THRB: variants seen among roughly 807,000 people sequenced by gnomAD.
THRB encodes the protein nuclear receptor subfamily 1 group A member 2.
In THRB, 12 loss-of-function variants were observed where a neutral mutation model predicts 47.8. The observed-to-expected ratio is 0.25, with a 90% CI of 0.16 to 0.41. The LOEUF (loss-of-function observed/expected upper bound fraction) is 0.41. Ranked by LOEUF, THRB falls within the 10% of genes least tolerant of loss-of-function variation. The pLI, the probability that THRB is intolerant of heterozygous loss-of-function variation, is 1.00. For synonymous variants in THRB, 218 were observed against 212.2 expected, an observed-to-expected ratio of 1.03 and a Z score of -0.24; for missense variants, 348 against 589.2, an observed-to-expected ratio of 0.59 and a Z score of 4.24.
Position 24,146,656 on chromosome 3 carries a change from CA to C in THRB, c.532+18del. The C allele has an allele frequency of 6.2e-7, 1 of 1,613,462 alleles. No homozygotes were observed. Among genetic ancestry groups the C allele is most frequent in the Non-Finnish European group, 8.5e-7 (1 of 1,179,410 alleles). On this transcript the variant is annotated intron_variant, in intron 7 of 10. Transcript: ENST00000646209. Reference sequence around the variant, plus strand: ...TAATCAACATTCCTTGAATATGAAGCAAGTGAAGATCTACTTACAATCTGTT... The same window carrying C: ...TAATCAACATTCCTTGAATATGAAGCAGTGAAGATCTACTTACAATCTGTT...
At chr3:24,151,413 A>G (rs1437905583) in intron 6 of THRB, among the ~76,000 whole-genome samples, 1 of 152,188 alleles carries the variant, frequency 6.6e-6, no homozygotes, top group Non-Finnish European at 1.5e-5. Flanking sequence ...AAGGTGGATG[A>G]GAGAGGAGGG....
intron 9 of THRB, among the ~76,000 whole-genome samples, chr3:24,130,353 T>C (rs1443682865): frequency 6.6e-6 from 1 of 152,222 alleles, no homozygotes; most frequent in Admixed American, 6.5e-5. Context: ...TGTTTGCTCC[T>C]GGTGGCGGAG....
intron 5 of THRB, among the ~76,000 whole-genome samples, chr3:24,153,265 A>G (rs796729386): frequency 6.6e-6 from 1 of 152,330 alleles, no homozygotes; most frequent in African/African-American, 2.4e-5. Context: ...ACAGGCCTGC[A>G]GAGGTTTGGC....
At chr3:24,413,990 G>T (rs2068541655) in intron 1 of THRB, among the ~76,000 whole-genome samples, 1 of 151,860 alleles carries the variant, frequency 6.6e-6, no homozygotes, top group Non-Finnish European at 1.5e-5. Flanking sequence ...TGTTAATTGA[G>T]CGTGACTCCA....
rs1005943032 is a variant in THRB at position 24,391,728 on chromosome 3, G to A, written c.-260-54357C>T. ...TGGTCCGTCCTCCATTTTCAAAATC[G>A]AATACTTCCTCTGTCCTCTCCTTTT... On this transcript the variant is annotated intron_variant, in intron 1 of 10. Transcript: ENST00000646209. Among the ~76,000 whole-genome samples, 32 of 151,836 alleles carry A rather than the reference G, an allele frequency of 2.1e-4. 1 individual carries two copies. The highest frequency in any genetic ancestry group is 1.5e-4 in the Non-Finnish European group (10 of 67,958).
chr3:24,269,434 C>T (rs1166083308), intron 3 of THRB, among the ~76,000 whole-genome samples: 6 of 127,224 alleles, frequency 4.7e-5, no homozygotes, highest in South Asian at 2.7e-4. Context: ...CACACACACA[C>T]ACACACACTT....
At chr3:24,487,319 G>A (rs1041028758) in intron 1 of THRB, among the ~76,000 whole-genome samples, 3 of 151,382 alleles carry the variant, frequency 2.0e-5, no homozygotes, top group Non-Finnish European at 2.9e-5. Context: ...CTGAACTTTT[G>A]CCACTTAAGG....
In THRB at chr3:24,143,648, C is replaced by T. The variant is rs779765087; in HGVS notation, c.591G>A (p.Glu197=). The change falls in exon 8 of 11, where the codon GAG becomes GAA. Residue 197 remains glutamate, a synonymous_variant. Coordinates refer to ENST00000646209, the MANE Select transcript of THRB (RefSeq NM_001354712.2). The part of the protein sequence containing the change: ...AKRKLIEENR[E]KRRREELQKS... ...TCTGCAGCTCTTCCCGCCGTCTTTT[C>T]TCCCGGTTCTCCTCTATCAGCTTCC... is the stretch of plus-strand genomic sequence containing the variant. The T allele has an allele frequency of 1.4e-5, 23 of 1,614,194 alleles. No homozygotes were observed. The South Asian group carries it at 2.3e-4, about 16-fold the overall frequency.
At chr3:24,181,735 C>T (rs776659017) in intron 5 of THRB, among the ~76,000 whole-genome samples, 1 of 152,310 alleles carries the variant, frequency 6.6e-6, no homozygotes, top group South Asian at 2.1e-4. Flanking sequence ...TTATTCTTTT[C>T]CTTCTCTCTT....
intron 4 of THRB, among the ~76,000 whole-genome samples, chr3:24,215,403 C>T (rs1457211885): frequency 1.3e-5 from 2 of 152,218 alleles, no homozygotes; most frequent in Non-Finnish European, 2.9e-5. Flanking sequence ...AACCCAAGGA[C>T]ACATGACGCC....
chr3:24,190,895 A>G (rs992211899), intron 4 of THRB, among the ~76,000 whole-genome samples: 2 of 151,874 alleles, frequency 1.3e-5, no homozygotes, highest in Non-Finnish European at 2.9e-5. Flanking sequence ...AAAAAAAAAA[A>G]AAGAAGGGAA....
At chr3:24,318,085 G>A (rs1576795521) in intron 2 of THRB, among the ~76,000 whole-genome samples, 1 of 152,106 alleles carries the variant, frequency 6.6e-6, no homozygotes, top group African/African-American at 2.4e-5. Context: ...GAAGGAAGGG[G>A]CCTAATTTCA....
chr3:24,394,112 G>T (rs1049059223), intron 1 of THRB, among the ~76,000 whole-genome samples: 1 of 152,124 alleles, frequency 6.6e-6, no homozygotes, highest in East Asian at 1.9e-4. Flanking sequence ...AATAATCGAG[G>T]TTGTGTGGTG....
chr3:24,448,022 C>T (rs952093876), intron 1 of THRB, among the ~76,000 whole-genome samples: 1 of 151,974 alleles, frequency 6.6e-6, no homozygotes, highest in African/African-American at 2.4e-5. Flanking sequence ...AAACCTGTAG[C>T]GATCTTGTTG....
chr3:24,128,801 A>T (rs2033340234), intron 9 of THRB, among the ~76,000 whole-genome samples: 1 of 141,558 alleles, frequency 7.1e-6, no homozygotes, highest in Non-Finnish European at 1.5e-5. Context: ...TTCATGGGTG[A>T]GGCTAGGATT....
chr3:24,377,256 C>T (rs1469155215), intron 1 of THRB, among the ~76,000 whole-genome samples: 1 of 152,074 alleles, frequency 6.6e-6, no homozygotes, highest in Non-Finnish European at 1.5e-5. Context: ...CTTTCTGTCC[C>T]CCAGGGAGCA....
chr3:24,280,516 A>C (rs1288064077), intron 3 of THRB, among the ~76,000 whole-genome samples: 2 of 152,210 alleles, frequency 1.3e-5, no homozygotes, highest in East Asian at 3.8e-4. Context: ...TGGAAACTCT[A>C]AAAAGCAGAG....
At chr3:24,329,319 C>T (rs1346355093) in intron 2 of THRB, among the ~76,000 whole-genome samples, 1 of 152,208 alleles carries the variant, frequency 6.6e-6, no homozygotes, top group Non-Finnish European at 1.5e-5. Context: ...TATTCTACTT[C>T]CCCTGCCTGT....
Position 24,168,490 on chromosome 3 carries a change from A to AATATATATATATATATATATATATAT in THRB, c.284-16001_284-16000insATATATATATATATATATATATATAT, listed in dbSNP as rs370230507. 3.2e-4 allele frequency among the ~76,000 whole-genome samples: 44 copies of AATATATATATATATATATATATATAT among 137,986 alleles called. 1 individual carries two copies. Among genetic ancestry groups the AATATATATATATATATATATATATAT allele is most frequent in the African/African-American group, 8.3e-4 (31 of 37,434 alleles). 90.5% of individuals were successfully genotyped at this position (137,986 alleles called of 152,430 possible). On this transcript the variant is annotated intron_variant, in intron 5 of 10. Coordinates refer to ENST00000646209, the MANE Select transcript of THRB (RefSeq NM_001354712.2). ...TCCGATTAGAAGTGTTTCAATCAAT[A>AATATATATATATATATATATATATAT]ATATATATATATATATATATGCGCC...
Sources: gnomAD v4.1 joint callset for allele counts (sites outside exome capture counted in the v4.1 genomes callset) on GRCh38, gnomAD v4.1.1 for gene constraint, MANE v1.5 for transcripts, NCBI Gene and HGNC (gene_info 2026-07-23, HGNC 2026-07-21) for gene names.